The following PDE4D variants were observed in gnomAD, a reference collection of about 807,000 sequenced individuals.
PDE4D encodes 3',5'-cyclic-AMP phosphodiesterase 4D.
A neutral mutation model predicts 87.4 loss-of-function variants in PDE4D; 24 were observed. That is an observed-to-expected ratio of 0.27 (90% CI 0.20 to 0.39). PDE4D has a LOEUF of 0.39. PDE4D is among the 10% of genes least tolerant of loss of function. PDE4D has a pLI of 1.00. For synonymous variants in PDE4D, 384 were observed against 383.2 expected, an observed-to-expected ratio of 1.00 and a Z score of -0.02; for missense variants, 714 against 1,041.0, an observed-to-expected ratio of 0.69 and a Z score of 4.32.
At chr5:59,506,021 A>T (rs190180856) in intron 1 of PDE4D, among the ~76,000 whole-genome samples, 1 of 152,282 alleles carries the variant, frequency 6.6e-6, no homozygotes, top group East Asian at 1.9e-4. Flanking sequence ...TTTTTCAATA[A>T]TTATGTCAAA....
chr5:60,282,066 A>G (rs1202039998), intron 1 of PDE4D, among the ~76,000 whole-genome samples: 1 of 152,036 alleles, frequency 6.6e-6, no homozygotes, highest in South Asian at 2.1e-4. Flanking sequence ...CAATAGAAAT[A>G]ACATCGTTTT....
At chr5:59,128,865 G>C (rs2153449955) in intron 5 of PDE4D, among the ~76,000 whole-genome samples, 1 of 152,314 alleles carries the variant, frequency 6.6e-6, no homozygotes, top group African/African-American at 2.4e-5. Flanking sequence ...AAGAACAGCA[G>C]CTTACACCTG....
chr5:59,824,703 C>T (rs1770115600), intron 1 of PDE4D, among the ~76,000 whole-genome samples: 1 of 152,140 alleles, frequency 6.6e-6, no homozygotes, highest in South Asian at 2.1e-4. Context: ...TTGTATGCTT[C>T]ACAATCTCCT....
rs1748107397 is a variant in PDE4D, at chr5:60,474,127, T to TATATATATAC, written c.-90+13814_-90+13815insGTATATATAT. Among the ~76,000 whole-genome samples, 5 of 98,520 alleles carry TATATATATAC rather than the reference T, an allele frequency of 5.1e-5. No homozygotes were observed. The East Asian group carries it at 1.5e-3, about 30-fold the overall frequency. 64.6% of individuals were successfully genotyped at this position (98,520 alleles called of 152,430 possible). A position where few individuals can be genotyped will look rare whatever the true frequency, so the allele number is the denominator to read the frequency against. On this transcript the variant is annotated intron_variant, in intron 1 of 16. Transcript: ENST00000502484. ...TGCCATATATATATATATATATATA[T>TATATATATAC]ATATATATATATATATATATATAAC...
chr5:60,036,996 C>T (rs1196422607), intron 2 of PDE4D, among the ~76,000 whole-genome samples: 1 of 152,172 alleles, frequency 6.6e-6, no homozygotes, highest in African/African-American at 2.4e-5. Context: ...AACGCTACCT[C>T]CATGCAAGGA....
At chr5:59,540,796 T>A (rs999640222) in intron 1 of PDE4D, among the ~76,000 whole-genome samples, 1 of 152,214 alleles carries the variant, frequency 6.6e-6, no homozygotes, top group East Asian at 1.9e-4. Context: ...GATCATCAAA[T>A]CTAACAAACT....
At chr5:59,276,189 C>A (rs1374157106) in intron 1 of PDE4D, 6 of 953,670 alleles carry the variant, frequency 6.3e-6, no homozygotes, top group Non-Finnish European at 7.5e-6. Context: ...CTGAGACTTA[C>A]AAAGCAAAGG....
intron 1 of PDE4D, among the ~76,000 whole-genome samples, chr5:60,427,586 A>T (rs967860239): frequency 3.9e-5 from 6 of 152,274 alleles, no homozygotes; most frequent in Non-Finnish European, 7.3e-5. Flanking sequence ...AACTGATACC[A>T]GATGGAAATT....
chr5:59,844,064 T>C (rs1732222299), intron 1 of PDE4D, among the ~76,000 whole-genome samples: 1 of 152,124 alleles, frequency 6.6e-6, no homozygotes, highest in Non-Finnish European at 1.5e-5. Flanking sequence ...CTGATCCCCT[T>C]GTTTGTACAG....
chr5:59,565,878 G>C (rs1240445842), intron 1 of PDE4D, among the ~76,000 whole-genome samples: 5 of 152,116 alleles, frequency 3.3e-5, no homozygotes, highest in African/African-American at 4.8e-5. Flanking sequence ...ATGAGTAGTG[G>C]GGAGACACCA....
intron 1 of PDE4D, among the ~76,000 whole-genome samples, chr5:59,558,985 G>GA (rs201797525): frequency 1.7e-4 from 25 of 150,380 alleles, no homozygotes; most frequent in African/African-American, 3.4e-4. Flanking sequence ...GACACTTCTT[G>GA]AAAAAAAAAC....
chr5:59,282,779 T>A (rs2591825), intron 1 of PDE4D, among the ~76,000 whole-genome samples: 2 of 151,752 alleles, frequency 1.3e-5, no homozygotes, highest in African/African-American at 4.8e-5. Context: ...GAAAGTAAAC[T>A]CTCATCAGGA....
intron 1 of PDE4D, among the ~76,000 whole-genome samples, chr5:59,274,727 T>G (rs967789387): frequency 5.9e-5 from 9 of 152,002 alleles, no homozygotes; most frequent in African/African-American, 2.2e-4. Flanking sequence ...TAATAGAACA[T>G]TAGAATACAT....
intron 1 of PDE4D, among the ~76,000 whole-genome samples, chr5:59,811,312 C>A (rs1227745667): frequency 1.3e-5 from 2 of 152,214 alleles, no homozygotes; most frequent in African/African-American, 4.8e-5. Flanking sequence ...ACCTCATTAT[C>A]CACCAAGCTA....
intron 2 of PDE4D, among the ~76,000 whole-genome samples, chr5:60,009,314 C>T (rs981720238): frequency 3.3e-5 from 5 of 151,972 alleles, no homozygotes; most frequent in Non-Finnish European, 5.9e-5. Context: ...TCATCACTTT[C>T]CTTTCTAAAG....
At chr5:59,353,412 C>T (rs796880471) in intron 1 of PDE4D, among the ~76,000 whole-genome samples, 1 of 151,524 alleles carries the variant, frequency 6.6e-6, no homozygotes, top group African/African-American at 2.4e-5. Flanking sequence ...AACTTCTCCA[C>T]ATTGTTTTCT....
At chr5:59,473,795 C>G (rs1562250549) in intron 1 of PDE4D, among the ~76,000 whole-genome samples, 1 of 152,146 alleles carries the variant, frequency 6.6e-6, no homozygotes, top group South Asian at 2.1e-4. Context: ...ATGCAGACCA[C>G]TAAGGAAGCC....
intron 1 of PDE4D, among the ~76,000 whole-genome samples, chr5:60,322,401 CACACACACACACACAA>C (rs1194462614): frequency 2.1e-5 from 3 of 141,206 alleles, no homozygotes; most frequent in African/African-American, 7.6e-5. Context: ...CACACACACA[CACACACACACACACAA>C]AACCCTAACA....
At chr5:59,988,046 A>G (rs1762617527) in intron 3 of PDE4D, 1 of 154,316 alleles carries the variant, frequency 6.5e-6, no homozygotes, top group Non-Finnish European at 1.4e-5. Context: ...CATGAATACC[A>G]TTGCATATTT....
Sources: allele counts gnomAD v4.1 joint callset (sites outside exome capture counted in the v4.1 genomes callset), GRCh38; gene constraint gnomAD v4.1.1; transcripts MANE v1.5; gene names NCBI Gene and HGNC (gene_info 2026-07-23, HGNC 2026-07-21).